SOX30: variants seen among roughly 807,000 people sequenced by gnomAD.
The protein encoded by SOX30 is SRY-box transcription factor 30, also known as transcription factor SOX-30.
SOX30 carries 17 observed loss-of-function variants against 58.6 expected under a neutral mutation model. That is an observed-to-expected ratio of 0.29 (90% CI 0.20 to 0.44). SOX30 has a LOEUF of 0.44. SOX30 is among the 20% of genes least tolerant of loss of function. The probability of loss-of-function intolerance (pLI) is 1.00; values close to 1 mark genes in which losing one functional copy is unlikely to be tolerated. For missense variants in SOX30, 951 were observed against 965.8 expected (o/e 0.98, Z 0.20); for synonymous variants, 421 against 400.2 (o/e 1.05, Z -0.62).
At chr5:157,652,445 G>A (rs1328830856), upstream of SOX30, 7 of 987,408 alleles carry the variant, frequency 7.1e-6, no homozygotes, top group Non-Finnish European at 8.5e-6. Flanking sequence ...CAATGGCGTT[G>A]CCCAGGAAAC....
At chr5:157,667,164 G>T (rs1191583167) in intron 2 of SOX30, among the ~76,000 whole-genome samples, 1 of 152,148 alleles carries the variant, frequency 6.6e-6, no homozygotes, top group African/African-American at 2.4e-5. Flanking sequence ...CCCAAGAAGT[G>T]GAGGGATGGG....
chr5:157,639,622 C>G (rs1044442027), intron 3 of SOX30, among the ~76,000 whole-genome samples: 1 of 152,152 alleles, frequency 6.6e-6, no homozygotes. Flanking sequence ...CTGAAGAAGA[C>G]AGGACTACTG....
At chr5:157,646,547 TTAAGAC>T in intron 3 of SOX30, 84 bp downstream of exon 3, 1 of 948,406 alleles carries the variant, frequency 1.1e-6, no homozygotes, top group East Asian at 2.7e-5. Context: ...TTCCAAATTC[TTAAGAC>T]TAACAGAAAG....
upstream of SOX30, among the ~76,000 whole-genome samples, chr5:157,655,597 A>G (rs1279123291): frequency 6.6e-6 from 1 of 152,086 alleles, no homozygotes. Context: ...TAAAGGGGAA[A>G]CTTGAGAGTC....
chr5:157,671,417 T>TG (rs1759785163), exon 1 of SOX30: 1 of 582,224 alleles, frequency 1.7e-6, no homozygotes, highest in Non-Finnish European at 3.1e-6. Context: ...TATTACCGCG[T>TG]CCGTGGCCGC....
At chr5:157,627,181 G>C (rs1758677559) in intron 4 of SOX30, among the ~76,000 whole-genome samples, 1 of 152,146 alleles carries the variant, frequency 6.6e-6, no homozygotes, top group Non-Finnish European at 1.5e-5. Flanking sequence ...GGCCAACATA[G>C]TGAAACCCCA....
intron 4 of SOX30, among the ~76,000 whole-genome samples, chr5:157,628,274 G>T (rs1322366775): frequency 6.6e-6 from 1 of 151,882 alleles, no homozygotes; most frequent in African/African-American, 2.4e-5. Flanking sequence ...GGAAGAGGTA[G>T]AGTCCAACCA....
At chr5:157,656,379 T>G (rs1000563965), upstream of SOX30, among the ~76,000 whole-genome samples, 2 of 152,232 alleles carry the variant, frequency 1.3e-5, no homozygotes, top group African/African-American at 4.8e-5. Flanking sequence ...ATTATGCAGG[T>G]CAGATATTAG....
In SOX30 at chr5:157,626,262, G is replaced by A; in HGVS notation, c.*78C>T. On this transcript the variant is annotated 3_prime_UTR_variant, in exon 5 of 5. Transcript: ENST00000265007. ...GAAAACTTTCAACAAAGAATTCTAG[G>A]CTTTTTTTTTTCTCATACCAACTGA... The A allele has an allele frequency of 1.6e-6, 2 of 1,268,662 alleles. No homozygotes were observed. The highest frequency in any genetic ancestry group is 1.1e-6 in the Non-Finnish European group (1 of 938,150). 78.6% of individuals were successfully genotyped at this position (1,268,662 alleles called of 1,614,324 possible).
At chr5:157,646,074 A>C (rs995602250) in intron 3 of SOX30, among the ~76,000 whole-genome samples, 1 of 152,076 alleles carries the variant, frequency 6.6e-6, no homozygotes, top group African/African-American at 2.4e-5. Flanking sequence ...GCCCTATAAC[A>C]AGTTATTAAG....
chr5:157,652,512 C>T (rs539503412), upstream of SOX30: 11 of 417,096 alleles, frequency 2.6e-5, no homozygotes, highest in South Asian at 1.0e-4. Context: ...ACAAGGGGAG[C>T]GACGGCCTTG....
rs928842134 is a variant in SOX30 at position 157,638,193 on chromosome 5, G to A, written c.1880+37C>T. On this transcript the variant is annotated intron_variant, in intron 4 of 4. Coordinates refer to ENST00000265007, the MANE Select transcript of SOX30 (RefSeq NM_178424.2). ...TGTCACAGGTAAAAACTCATTAGCT[G>A]AATGTTTAGGTAAAAGGAAAAAAAA... 3 of 1,500,458 alleles carry A rather than the reference G, an allele frequency of 2.0e-6. No individual in the cohort carries two copies. In the South Asian group the frequency reaches 4.1e-5, roughly 21 times the overall value. The allele number at this position is 1,500,458 out of a possible 1,614,324, so 92.9% of individuals were successfully genotyped here.
At chr5:157,632,332 A>G (rs1758833811) in intron 4 of SOX30, among the ~76,000 whole-genome samples, 1 of 152,206 alleles carries the variant, frequency 6.6e-6, no homozygotes, top group African/African-American at 2.4e-5. Context: ...GGGACCCTAC[A>G]CAGTCATCTG....
chr5:157,627,722 C>T (rs72811389), intron 4 of SOX30, among the ~76,000 whole-genome samples: 7,329 of 152,170 alleles, frequency 0.048, 278 homozygotes, highest in East Asian at 0.1. Flanking sequence ...TGGCCGGGCG[C>T]GGTGGCTCAC....
chr5:157,634,773 G>A (rs892816053), intron 4 of SOX30, among the ~76,000 whole-genome samples: 9 of 151,890 alleles, frequency 5.9e-5, no homozygotes, highest in African/African-American at 1.5e-4. Context: ...TCAAGCTCCC[G>A]AATAGCTGGG....
In SOX30 at chr5:157,666,955, C is replaced by T. The variant is rs557883724; in HGVS notation, c.52+843G>A. Among the ~76,000 whole-genome samples, 62 of 152,322 alleles carry T rather than the reference C, an allele frequency of 4.1e-4. No homozygotes were observed. In the South Asian group the frequency reaches 5.0e-3, roughly 12 times the overall value. The stretch of plus-strand genomic sequence containing the variant: ...TTCTGACCTCAGGTAATCCACCTGC[C>T]TTGGCCTCCCAAAGTGCTGGGATTA... On this transcript the variant is annotated intron_variant, in intron 2 of 5. Coordinates refer to the SOX30 transcript ENST00000519442.
At chr5:157,671,027 G>A (rs1314623655) in intron 1 of SOX30, among the ~76,000 whole-genome samples, 1 of 152,188 alleles carries the variant, frequency 6.6e-6, no homozygotes, top group Non-Finnish European at 1.5e-5. Context: ...CGCCTGCTCG[G>A]TGTCAAGACC....
intron 2 of SOX30, among the ~76,000 whole-genome samples, chr5:157,659,045 G>A (rs1230872875): frequency 2.0e-5 from 3 of 152,164 alleles, no homozygotes; most frequent in Admixed American, 6.6e-5. Context: ...GGCAACATCA[G>A]GACATTACCC....
Position 157,651,558 on chromosome 5 carries a change from G to A in SOX30, c.521C>T (p.Ala174Val), listed in dbSNP as rs2113850345. 1.2e-6 allele frequency: 2 copies of A among 1,612,796 alleles called. No homozygotes were observed. Among genetic ancestry groups the A allele is most frequent in the Non-Finnish European group, 1.7e-6 (2 of 1,179,648 alleles). Residue 174 changes from alanine to valine, a missense_variant, in exon 1 of 5, where the codon GCC becomes GTC. Physicochemically the swap from Ala to Val is moderately conservative, Grantham distance 64. This residue lies in a region of SOX30 where 363 missense variants were observed against 294.5 expected (regional missense o/e 1.23). Coordinates refer to ENST00000265007, the MANE Select transcript of SOX30 (RefSeq NM_178424.2). Reference sequence around the variant, plus strand: ...CTCGTCCCCTCGGAAGTAGCCGAGGGCCGGCCCGGGGCCTTCCAACTTGAC... The same window carrying A: ...CTCGTCCCCTCGGAAGTAGCCGAGGACCGGCCCGGGGCCTTCCAACTTGAC... ...RVVKLEGPGP[A>V]LGYFRGDEKG...
Sources: allele counts gnomAD v4.1 joint callset (sites outside exome capture counted in the v4.1 genomes callset), GRCh38; gene constraint gnomAD v4.1.1; regional missense constraint gnomAD v4.1.1; transcripts MANE v1.5; gene names NCBI Gene and HGNC (gene_info 2026-07-23, HGNC 2026-07-21).